The following NPAS3 variants were observed in gnomAD, a reference collection of about 807,000 sequenced individuals.
NPAS3 encodes the protein neuronal PAS domain-containing protein 3.
NPAS3 carries 14 observed loss-of-function variants against 73.1 expected under a neutral mutation model. The ratio of observed to expected loss-of-function variants is 0.19; its 90% confidence interval spans 0.13 to 0.30. The LOEUF is 0.30. Ranked by LOEUF, NPAS3 falls within the 10% of genes least tolerant of loss-of-function variation. The pLI is 1.00. For synonymous variants in NPAS3, 620 were observed against 541.5 expected, an observed-to-expected ratio of 1.14 and a Z score of -2.01; for missense variants, 1,096 against 1,250.0, an observed-to-expected ratio of 0.88 and a Z score of 1.86.
intron 4 of NPAS3, among the ~76,000 whole-genome samples, chr14:33,449,569 A>G (rs922863010): frequency 3.9e-5 from 6 of 152,092 alleles, no homozygotes; most frequent in Admixed American, 6.6e-5. Flanking sequence ...ATCTTATATG[A>G]TTGAACCACT....
At chr14:32,943,358 G>T (rs567364781) in intron 1 of NPAS3, among the ~76,000 whole-genome samples, 1 of 152,224 alleles carries the variant, frequency 6.6e-6, no homozygotes, top group South Asian at 2.1e-4. Flanking sequence ...GGAGCAGTTT[G>T]ATAATTTTAG....
rs1282525729 is a variant in NPAS3, at chr14:33,689,725, T to C, written c.733+13340T>C. 3.3e-5 allele frequency among the ~76,000 whole-genome samples: 5 copies of C among 152,206 alleles called. No homozygotes were observed. The South Asian group carries it at 1.0e-3, about 32-fold the overall frequency. On this transcript the variant is annotated intron_variant, in intron 6 of 11. Transcript: ENST00000356141. ...TTACCTCTCCCTAACCTCTATAATA[T>C]ACAATTTCTGTTTTGCAGATTCACG...
intron 3 of NPAS3, among the ~76,000 whole-genome samples, chr14:33,301,343 C>T (rs1291078023): frequency 8.0e-5 from 7 of 87,674 alleles, no homozygotes; most frequent in Non-Finnish European, 2.4e-5. Flanking sequence ...TTAAATCTAG[C>T]TGTAATGGGT....
intron 2 of NPAS3, among the ~76,000 whole-genome samples, chr14:33,102,907 T>C (rs555738594): frequency 6.6e-6 from 1 of 152,194 alleles, no homozygotes; most frequent in African/African-American, 2.4e-5. Context: ...TCCACTTTTT[T>C]ATTTGTGTTA....
intron 3 of NPAS3, among the ~76,000 whole-genome samples, chr14:33,361,993 A>G (rs2045625479): frequency 1.3e-5 from 2 of 152,196 alleles, no homozygotes; most frequent in Admixed American, 1.3e-4. Flanking sequence ...CACTGTGATT[A>G]TTTGTTTTCA....
intron 3 of NPAS3, among the ~76,000 whole-genome samples, chr14:33,293,753 G>A (rs572363095): frequency 1.1e-4 from 16 of 152,334 alleles, no homozygotes; most frequent in South Asian, 6.2e-4. Context: ...GCCATATTTT[G>A]TGTTATGGTG....
chr14:33,801,191 A>G, downstream of NPAS3: 1 of 1,510,628 alleles, frequency 6.6e-7, no homozygotes, highest in South Asian at 1.3e-5. Flanking sequence ...TAATTCTAGC[A>G]CTTTGAATTC....
intron 5 of NPAS3, among the ~76,000 whole-genome samples, chr14:33,667,435 C>T (rs535702586): frequency 6.6e-6 from 1 of 152,316 alleles, no homozygotes; most frequent in African/African-American, 2.4e-5. Context: ...TCTCAAAATA[C>T]CCTAAGATAT....
chr14:33,343,702 C>G (rs1384228846), intron 3 of NPAS3, among the ~76,000 whole-genome samples: 7 of 152,102 alleles, frequency 4.6e-5, no homozygotes, highest in African/African-American at 1.7e-4. Flanking sequence ...CAAAATCTAC[C>G]AGGTATATCA....
intron 2 of NPAS3, among the ~76,000 whole-genome samples, chr14:33,068,972 T>C (rs1385367850): frequency 1.3e-5 from 2 of 152,092 alleles, no homozygotes; most frequent in Non-Finnish European, 2.9e-5. Flanking sequence ...ACTTCGGCTT[T>C]TGTTCCACTC....
intron 1 of NPAS3, among the ~76,000 whole-genome samples, chr14:32,990,164 CCA>C (rs1267031492): frequency 6.6e-6 from 1 of 152,092 alleles, no homozygotes; most frequent in Non-Finnish European, 1.5e-5. Context: ...CCAATGTCTT[CCA>C]TGAAAACGTG....
In NPAS3 at chr14:33,275,161, A is replaced by G. The variant is rs562226974; in HGVS notation, c.385+59735A>G. ...AAGGGAGCCCACTTAGTTTGGAAAA[A>G]CCATTACTGTATCAGAATGATGTAT... On this transcript the variant is annotated intron_variant, in intron 3 of 11. Coordinates refer to ENST00000356141, the Ensembl canonical transcript of NPAS3. 3.7e-4 allele frequency among the ~76,000 whole-genome samples: 57 copies of G among 152,220 alleles called. No individual in the cohort carries two copies. The South Asian group carries it at 5.6e-3, about 15-fold the overall frequency.
At chr14:32,949,056 T>C (rs1057458313) in intron 1 of NPAS3, among the ~76,000 whole-genome samples, 1 of 152,136 alleles carries the variant, frequency 6.6e-6, no homozygotes, top group Non-Finnish European at 1.5e-5. Context: ...GGCACAATGT[T>C]AACAGTTTAA....
intron 10 of NPAS3, among the ~76,000 whole-genome samples, chr14:33,794,367 A>G (rs2063450817): frequency 6.6e-6 from 1 of 152,214 alleles, no homozygotes; most frequent in African/African-American, 2.4e-5. Flanking sequence ...CTACAGCTGA[A>G]GCATTCAAAA....
At chr14:33,248,282 G>A (rs187867202) in intron 3 of NPAS3, among the ~76,000 whole-genome samples, 11 of 152,274 alleles carry the variant, frequency 7.2e-5, no homozygotes, top group African/African-American at 1.7e-4. Flanking sequence ...ACACTGCCAC[G>A]TTGGCTGTCA....
At chr14:33,275,208 A>G (rs1406964265) in intron 3 of NPAS3, among the ~76,000 whole-genome samples, 1 of 152,182 alleles carries the variant, frequency 6.6e-6, no homozygotes, top group Non-Finnish European at 1.5e-5. Context: ...TTGCATGAAC[A>G]TATTTTATGT....
At chr14:33,780,002 C>T (rs1030594953) in intron 9 of NPAS3, among the ~76,000 whole-genome samples, 5 of 152,162 alleles carry the variant, frequency 3.3e-5, no homozygotes, top group Non-Finnish European at 2.9e-5. Flanking sequence ...TTCTTCATTT[C>T]GAACTCAGAA....
At chr14:32,980,085 G>T (rs779132668) in intron 1 of NPAS3, among the ~76,000 whole-genome samples, 1 of 152,140 alleles carries the variant, frequency 6.6e-6, no homozygotes, top group Non-Finnish European at 1.5e-5. Context: ...TATCCAGACC[G>T]GGGAGCTAAA....
At chr14:33,402,476 C>G (rs930394268) in intron 4 of NPAS3, among the ~76,000 whole-genome samples, 14 of 151,990 alleles carry the variant, frequency 9.2e-5, no homozygotes, top group Non-Finnish European at 1.5e-4. Flanking sequence ...ATCATCTGAC[C>G]CTTACCTTCT....
Sources: gnomAD v4.1 joint callset for allele counts (sites outside exome capture counted in the v4.1 genomes callset) on GRCh38, gnomAD v4.1.1 for gene constraint, MANE v1.5 for transcripts, NCBI Gene and HGNC (gene_info 2026-07-23, HGNC 2026-07-21) for gene names.